The following OCA2 variants were observed in gnomAD, a reference collection of about 807,000 sequenced individuals.
OCA2 encodes the protein P protein.
A neutral mutation model predicts 100.2 loss-of-function variants in OCA2; 77 were observed. The ratio of observed to expected loss-of-function variants is 0.77; its 90% CI spans 0.64 to 0.93. OCA2 has a LOEUF of 0.93. OCA2 is among the 40% of genes least tolerant of loss of function. The pLI is 0.00. For synonymous variants in OCA2, 432 were observed against 439.2 expected, an observed-to-expected ratio of 0.98 and a Z score of 0.21; for missense variants, 1,062 against 1,089.1, an observed-to-expected ratio of 0.98 and a Z score of 0.35.
chr15:27,970,294 C>CA lies in OCA2; in HGVS notation c.1504-3473dup, dbSNP rs3216770. Among the ~76,000 whole-genome samples, 104 of 149,500 alleles carry CA rather than the reference C, an allele frequency of 7.0e-4. 1 individual carries two copies. The highest frequency in any genetic ancestry group is 1.3e-3 in the African/African-American group (54 of 40,176). ...AATAGGTGTGTGGAAACCAACAAAC[C>CA]AAAAAAAAAACCCCATAAAGGAAAT... On this transcript the variant is annotated intron_variant, in intron 14 of 23. Transcript: ENST00000354638.
intron 23 of OCA2, among the ~76,000 whole-genome samples, chr15:27,813,942 A>G (rs2034177926): frequency 6.6e-6 from 1 of 152,238 alleles, no homozygotes. Context: ...ATATTTTCAG[A>G]GTATATGTGG....
At chr15:27,782,776 T>C (rs2032609981) in intron 23 of OCA2, among the ~76,000 whole-genome samples, 1 of 152,236 alleles carries the variant, frequency 6.6e-6, no homozygotes, top group Non-Finnish European at 1.5e-5. Context: ...TTGAAGGCCT[T>C]TAATTTTTTT....
At chr15:28,084,271 A>T (rs1018145131) in intron 1 of OCA2, among the ~76,000 whole-genome samples, 11 of 152,230 alleles carry the variant, frequency 7.2e-5, no homozygotes, top group Non-Finnish European at 1.5e-4. Context: ...TTGTGGCATA[A>T]GTCATCAGTT....
chr15:27,833,560 A>G (rs2035039240), intron 23 of OCA2, among the ~76,000 whole-genome samples: 1 of 152,192 alleles, frequency 6.6e-6, no homozygotes, highest in African/African-American at 2.4e-5. Flanking sequence ...ATTTTAATGT[A>G]CTTATTTTTT....
At chr15:27,790,643 C>G (rs1001468744) in intron 23 of OCA2, among the ~76,000 whole-genome samples, 7 of 152,076 alleles carry the variant, frequency 4.6e-5, no homozygotes, top group Admixed American at 4.6e-4. Context: ...TAAAGGGGTA[C>G]CAGAAAAGTT....
chr15:28,097,110 C>T (rs1392686664), intron 1 of OCA2, among the ~76,000 whole-genome samples: 1 of 152,224 alleles, frequency 6.6e-6, no homozygotes, highest in Non-Finnish European at 1.5e-5. Flanking sequence ...CTCGAAACAC[C>T]GGACCTGCTC....
intron 18 of OCA2, among the ~76,000 whole-genome samples, chr15:27,927,979 A>T (rs966115373): frequency 6.6e-6 from 1 of 151,668 alleles, no homozygotes; most frequent in African/African-American, 2.4e-5. Flanking sequence ...TTCAGTAGAG[A>T]TGGGGTTTCA....
intron 19 of OCA2, among the ~76,000 whole-genome samples, chr15:27,905,454 AAG>A (rs1291043053): frequency 6.6e-6 from 1 of 152,212 alleles, no homozygotes; most frequent in African/African-American, 2.4e-5. Flanking sequence ...GCCCTGAGGG[AAG>A]ACAGAGGGGG....
At chr15:28,069,671 C>T (rs1251427529) in intron 2 of OCA2, among the ~76,000 whole-genome samples, 5 of 146,282 alleles carry the variant, frequency 3.4e-5, no homozygotes, top group Admixed American at 1.3e-4. Context: ...CCCGAGGTGC[C>T]GGGATTGCAG....
intron 9 of OCA2, among the ~76,000 whole-genome samples, chr15:27,999,048 G>A (rs1385762249): frequency 6.6e-6 from 1 of 151,804 alleles, no homozygotes; most frequent in East Asian, 1.9e-4. Flanking sequence ...GGGGACTGTT[G>A]TGGGGTGGGG....
At position 27,808,432 on chromosome 15, in the gene OCA2, T is replaced by C. The variant is rs569186494; in HGVS notation, c.2432+36527A>G. Among the ~76,000 whole-genome samples, 171 of 152,272 alleles carry C rather than the reference T, an allele frequency of 1.1e-3. 1 individual carries two copies. Among genetic ancestry groups the C allele is most frequent in the Non-Finnish European group, 2.0e-3 (135 of 68,014 alleles). ...CAGCAAGGACCGCTGGGAGGCAGGA[T>C]TCACTTTCTTATAAAGAGAAACCGT... On this transcript the variant is annotated intron_variant, in intron 23 of 23. Coordinates refer to ENST00000354638, the MANE Select transcript of OCA2 (RefSeq NM_000275.3).
chr15:28,032,174 C>A lies in OCA2; in HGVS notation c.228-11G>T. 1 of 1,587,818 alleles carries A rather than the reference C, an allele frequency of 6.3e-7. No homozygotes were observed. Among genetic ancestry groups the A allele is most frequent in the Non-Finnish European group, 8.6e-7 (1 of 1,156,146 alleles). On this transcript the variant is annotated splice_polypyrimidine_tract_variant and intron_variant, in intron 2 of 23. Coordinates refer to ENST00000354638, the MANE Select transcript of OCA2 (RefSeq NM_000275.3). The stretch of plus-strand genomic sequence containing the variant: ...AAAGAAGAGTGAGACCTGAAAGAGA[C>A]AGGGTAGGAAACAGAATCACCAACA...
intron 14 of OCA2, among the ~76,000 whole-genome samples, chr15:27,972,653 C>T (rs1250123581): frequency 6.6e-6 from 1 of 151,614 alleles, no homozygotes; most frequent in Non-Finnish European, 1.5e-5. Context: ...TGCATATCTT[C>T]TTCAAAAATG....
chr15:27,785,449 A>G (rs2032763154), intron 23 of OCA2, among the ~76,000 whole-genome samples: 1 of 152,232 alleles, frequency 6.6e-6, no homozygotes, highest in South Asian at 2.1e-4. Flanking sequence ...CCATTTATCC[A>G]AAGAAGATCT....
At chr15:27,759,925 C>T (rs968415627) in intron 23 of OCA2, among the ~76,000 whole-genome samples, 4 of 152,086 alleles carry the variant, frequency 2.6e-5, no homozygotes, top group South Asian at 2.1e-4. Flanking sequence ...ATCCAAGAAA[C>T]ATTTAGCAAG....
At chr15:27,756,517 G>A (rs1165761783) in intron 23 of OCA2, among the ~76,000 whole-genome samples, 1 of 152,166 alleles carries the variant, frequency 6.6e-6, no homozygotes, top group Non-Finnish European at 1.5e-5. Context: ...AACATATTTT[G>A]GGAAAACTAC....
chr15:28,031,279 G>A (rs2042899897), intron 3 of OCA2, among the ~76,000 whole-genome samples: 1 of 152,142 alleles, frequency 6.6e-6, no homozygotes, highest in African/African-American at 2.4e-5. Flanking sequence ...CCTCAGCTTT[G>A]TGCTTGAATA....
intron 16 of OCA2, among the ~76,000 whole-genome samples, chr15:27,956,490 T>C (rs939103890): frequency 1.3e-5 from 2 of 152,222 alleles, no homozygotes; most frequent in Non-Finnish European, 2.9e-5. Flanking sequence ...GAGGAGCTGA[T>C]GGGAACGTGG....
intron 23 of OCA2, among the ~76,000 whole-genome samples, chr15:27,823,152 G>T (rs895388300): frequency 1.3e-5 from 2 of 152,172 alleles, no homozygotes; most frequent in African/African-American, 2.4e-5. Context: ...GTCATAAATC[G>T]GAGAGCCTTA....
Sources: allele counts gnomAD v4.1 joint callset (sites outside exome capture counted in the v4.1 genomes callset), GRCh38; gene constraint gnomAD v4.1.1; transcripts MANE v1.5; gene names NCBI Gene and HGNC (gene_info 2026-07-23, HGNC 2026-07-21).